Variants in STMN1 observed in about 807,000 individuals in gnomAD.
The protein encoded by STMN1 is stathmin 1.
Under a neutral mutation model 19.7 loss-of-function variants are expected in STMN1, and 3 were observed. That is an observed-to-expected ratio of 0.15 (90% CI 0.07 to 0.39). STMN1 has a LOEUF of 0.39. STMN1 is among the 10% of genes least tolerant of loss of function. The pLI, the probability that STMN1 is intolerant of heterozygous loss-of-function variation, is 1.00. For synonymous variants in STMN1, 59 were observed against 58.9 expected, an observed-to-expected ratio of 1.00 and a Z score of -0.01; for missense variants, 99 against 176.0, an observed-to-expected ratio of 0.56 and a Z score of 2.48.
At chr1:25,885,883 A>C in intron 4 of STMN1, 2 of 1,540,370 alleles carry the variant, frequency 1.3e-6, no homozygotes, top group Non-Finnish European at 1.8e-6. Flanking sequence ...GAAGAAAAAG[A>C]AAAATCACCA....
intron 4 of STMN1, among the ~76,000 whole-genome samples, chr1:25,891,691 G>A (rs1404742945): frequency 1.3e-5 from 2 of 152,240 alleles, no homozygotes; most frequent in Non-Finnish European, 2.9e-5. Flanking sequence ...AGTACAGAGA[G>A]GCGGCCAGTG....
At chr1:25,895,994 C>A (rs2048815511), downstream of STMN1, among the ~76,000 whole-genome samples, 1 of 152,190 alleles carries the variant, frequency 6.6e-6, no homozygotes, top group Non-Finnish European at 1.5e-5. Flanking sequence ...AACCTCCCAC[C>A]ACGAGCCAGG....
At chr1:25,886,716 G>A (rs1572290107) in intron 4 of STMN1, among the ~76,000 whole-genome samples, 1 of 151,560 alleles carries the variant, frequency 6.6e-6, no homozygotes, top group Admixed American at 6.6e-5. Flanking sequence ...AGCCTCCTGA[G>A]TAGCTGGGAC....
downstream of STMN1, among the ~76,000 whole-genome samples, chr1:25,897,322 AAAAAG>A (rs1249371818): frequency 1.0e-3 from 149 of 143,900 alleles, no homozygotes; most frequent in Non-Finnish European, 1.9e-3. Flanking sequence ...AAAAAAAAAA[AAAAAG>A]AAAAGAAAAA....
intron 4 of STMN1, chr1:25,885,927 G>A: frequency 6.7e-7 from 1 of 1,486,172 alleles, no homozygotes; most frequent in Non-Finnish European, 9.0e-7. Flanking sequence ...AGGGACAGGA[G>A]GTGGAGGGGC....
At chr1:25,901,432 G>C (rs1041585140) in intron 4 of STMN1, 59 bp downstream of exon 4, 63 of 1,536,996 alleles carry the variant, frequency 4.1e-5, no homozygotes, top group Non-Finnish European at 5.3e-5. Context: ...CTTAGTTCAA[G>C]CCAACTCATT....
In STMN1 at chr1:25,892,551, C is replaced by A. The variant is rs1329089001; in HGVS notation, c.379-6682G>T. On this transcript the variant is annotated intron_variant, in intron 4 of 4. Transcript: ENST00000426559. ...CTTTAAACAGGGAGGGTAGATGCCA[C>A]CACGGCTGAGCCGCTGAGCCGCTGA... is the stretch of plus-strand genomic sequence containing the variant. The A allele has an allele frequency of 7.1e-6, 7 of 983,694 alleles. No homozygotes were observed. In the East Asian group the frequency reaches 5.7e-4, roughly 80 times the overall value. The allele number at this position is 983,694 out of a possible 1,614,324, so 60.9% of individuals were successfully genotyped here. A position where few individuals can be genotyped will look rare whatever the true frequency, so the allele number is the denominator to read the frequency against.
At position 25,903,761 on chromosome 1, in the gene STMN1, C is replaced by G; in HGVS notation, c.66G>C (p.Leu22=). The part of the protein sequence containing the change: ...EKRASGQAFE[L]ILSPRSKESV... The stretch of plus-strand genomic sequence containing the variant: ...ATTCTTTTGACCGAGGGCTGAGAAT[C>G]AGCTCAAAAGCCTGGCCTGAGGCAC... The change falls in exon 3 of 5, where the codon CTG becomes CTC. Residue 22 remains leucine (L), a synonymous_variant. Coordinates refer to ENST00000455785, the MANE Select transcript of STMN1 (RefSeq NM_005563.4). 6.2e-7 allele frequency: 1 copy of G among 1,614,022 alleles called. No homozygotes were observed. Among genetic ancestry groups the G allele is most frequent in the Non-Finnish European group, 8.5e-7 (1 of 1,180,048 alleles).
chr1:25,903,293 GGAAGCATGAGA>G (rs1159195703), intron 3 of STMN1: 2 of 187,422 alleles, frequency 1.1e-5, no homozygotes, highest in South Asian at 2.1e-4. Context: ...TTTTCAAAGA[GGAAGCATGAGA>G]GAAGCATGAG....
intron 4 of STMN1, chr1:25,887,232 A>G (rs2048729868): frequency 6.2e-6 from 1 of 162,296 alleles, no homozygotes; most frequent in African/African-American, 2.4e-5. Context: ...AACAAGAGAC[A>G]TTGTCCCTTT....
chr1:25,899,053 A>G (rs560641200), downstream of STMN1, among the ~76,000 whole-genome samples: 11 of 152,352 alleles, frequency 7.2e-5, no homozygotes, highest in Admixed American at 2.0e-4. Context: ...GGTAAGATGC[A>G]TCCCCTTCAG....
downstream of STMN1, among the ~76,000 whole-genome samples, chr1:25,898,230 A>G (rs1315637464): frequency 6.6e-6 from 1 of 152,238 alleles, no homozygotes; most frequent in African/African-American, 2.4e-5. Flanking sequence ...TGCACGTGGC[A>G]ATCACAGGCT....
downstream of STMN1, among the ~76,000 whole-genome samples, chr1:25,896,468 G>C (rs995172956): frequency 1.3e-5 from 2 of 152,110 alleles, no homozygotes; most frequent in African/African-American, 4.8e-5. Context: ...TGCTGAGATG[G>C]CTGCTATGAG....
At chr1:25,901,183 A>G in intron 4 of STMN1, 96 bp from the exon 5 acceptor site, 2 of 1,551,956 alleles carry the variant, frequency 1.3e-6, no homozygotes, top group South Asian at 2.4e-5. Flanking sequence ...AAAGAGGCCC[A>G]ACACAACCTC....
chr1:25,885,485 T>C, exon 5 of STMN1: 1 of 403,406 alleles, frequency 2.5e-6, no homozygotes, highest in Non-Finnish European at 4.3e-6. Context: ...CCCTCTACGT[T>C]GGCAGTGTCT....
chr1:25,893,630 T>A (rs1430871642), intron 4 of STMN1, among the ~76,000 whole-genome samples: 1 of 152,134 alleles, frequency 6.6e-6, no homozygotes, highest in Non-Finnish European at 1.5e-5. Flanking sequence ...AACCTCCGCC[T>A]CCTAGGTTCA....
intron 4 of STMN1, among the ~76,000 whole-genome samples, chr1:25,886,182 C>G (rs1302683293): frequency 6.6e-6 from 1 of 151,818 alleles, no homozygotes; most frequent in Non-Finnish European, 1.5e-5. Context: ...GGTTCTAAGG[C>G]AAGGAGGTCA....
chr1:25,900,395 TGGAA>T lies in STMN1; in HGVS notation c.*617_*620del. 1 of 985,614 alleles carries T rather than the reference TGGAA, an allele frequency of 1.0e-6. No homozygotes were observed. The highest frequency in any genetic ancestry group is 1.1e-4 in the East Asian group (1 of 8,818). The allele number at this position is 985,614 out of a possible 1,614,324, so 61.1% of individuals were successfully genotyped here. ...AGGCATCCAAACAAAGCAGTCATTG[TGGAA>T]GGAGACAATGCAAACCACACTGGGG... On this transcript the variant is annotated 3_prime_UTR_variant, in exon 5 of 5. Transcript: ENST00000455785.
intron 4 of STMN1, among the ~76,000 whole-genome samples, chr1:25,890,309 C>T (rs1322531852): frequency 1.3e-5 from 2 of 152,154 alleles, no homozygotes; most frequent in South Asian, 2.1e-4. Context: ...TGTAGGAGAT[C>T]AGTCAGAGTG....
Sources: gnomAD v4.1 joint callset for allele counts (sites outside exome capture counted in the v4.1 genomes callset) on GRCh38, gnomAD v4.1.1 for gene constraint, MANE v1.5 for transcripts, NCBI Gene and HGNC (gene_info 2026-07-23, HGNC 2026-07-21) for gene names.